FAM117B: variants seen among roughly 807,000 people sequenced by gnomAD.
FAM117B encodes the protein family with sequence similarity 117 member B.
A neutral mutation model predicts 52.8 loss-of-function variants in FAM117B; 22 were observed. That is an observed-to-expected ratio of 0.42 (90% CI 0.30 to 0.59). The LOEUF (loss-of-function observed/expected upper bound fraction) is 0.59, where lower values mean the gene tolerates loss of function less well. Among genes scored for constraint, FAM117B ranks in the 20% least tolerant of loss-of-function variants. The pLI is 0.22. For synonymous variants in FAM117B, 309 were observed against 324.1 expected (o/e 0.95, Z 0.50); for missense variants, 678 against 802.6 (o/e 0.84, Z 1.88).
At chr2:202,685,910 A>C (rs192890702) in intron 1 of FAM117B, among the ~76,000 whole-genome samples, 1 of 152,208 alleles carries the variant, frequency 6.6e-6, no homozygotes, top group African/African-American at 2.4e-5. Context: ...TGAACTATTA[A>C]CAGAAGTAGT....
chr2:202,712,531 G>A (rs1245762818), intron 2 of FAM117B, among the ~76,000 whole-genome samples: 3 of 149,290 alleles, frequency 2.0e-5, no homozygotes, highest in Non-Finnish European at 4.4e-5. Flanking sequence ...CAGTTTGGGT[G>A]CCTATTATTT....
intron 1 of FAM117B, among the ~76,000 whole-genome samples, chr2:202,648,599 G>C (rs1223784959): frequency 1.4e-5 from 2 of 147,206 alleles, no homozygotes; most frequent in East Asian, 4.0e-4. Flanking sequence ...GTGCACATAG[G>C]TTTATAGTGG....
chr2:202,670,084 G>T (rs1292236932), intron 1 of FAM117B, among the ~76,000 whole-genome samples: 1 of 152,114 alleles, frequency 6.6e-6, no homozygotes, highest in Non-Finnish European at 1.5e-5. Flanking sequence ...CTGTTTGTTA[G>T]CTTCATTCTC....
At chr2:202,672,135 A>G (rs1690308432) in intron 1 of FAM117B, among the ~76,000 whole-genome samples, 1 of 152,208 alleles carries the variant, frequency 6.6e-6, no homozygotes, top group Admixed American at 6.5e-5. Flanking sequence ...AGAGTCTTCA[A>G]GTCCTGTAAA....
chr2:202,654,665 CT>C (rs753974102), intron 1 of FAM117B, among the ~76,000 whole-genome samples: 7,678 of 137,196 alleles, frequency 0.056, 222 homozygotes, highest in Non-Finnish European at 0.085. Flanking sequence ...CCTTTGTAAT[CT>C]TTTTTTTTTT....
intron 1 of FAM117B, among the ~76,000 whole-genome samples, chr2:202,637,771 G>A (rs1689710277): frequency 6.6e-6 from 1 of 151,802 alleles, no homozygotes; most frequent in Admixed American, 6.6e-5. Flanking sequence ...GTACTCCAAA[G>A]ACCATGTCTT....
chr2:202,700,037 G>A (rs1690774251), intron 2 of FAM117B, among the ~76,000 whole-genome samples: 1 of 152,152 alleles, frequency 6.6e-6, no homozygotes, highest in Admixed American at 6.5e-5. Context: ...GATGAATGTT[G>A]TGTGTATTCT....
intron 2 of FAM117B, among the ~76,000 whole-genome samples, chr2:202,720,403 G>T (rs913819722): frequency 7.5e-6 from 1 of 134,020 alleles, no homozygotes; most frequent in East Asian, 2.0e-4. Flanking sequence ...TACCTGTCGT[G>T]TGTGTGTGTG....
chr2:202,761,533 T>C (rs992882763), intron 7 of FAM117B, among the ~76,000 whole-genome samples: 1 of 151,960 alleles, frequency 6.6e-6, no homozygotes, highest in South Asian at 2.1e-4. Context: ...TTTGTTTTTA[T>C]TTTTTTTCTT....
chr2:202,646,673 G>A (rs2105754375), intron 1 of FAM117B, among the ~76,000 whole-genome samples: 1 of 152,258 alleles, frequency 6.6e-6, no homozygotes, highest in East Asian at 1.9e-4. Flanking sequence ...TTTTGAGTAC[G>A]AGTGGTTTCT....
At chr2:202,715,315 C>A (rs1259969120) in intron 2 of FAM117B, among the ~76,000 whole-genome samples, 2 of 151,818 alleles carry the variant, frequency 1.3e-5, no homozygotes, top group East Asian at 3.9e-4. Flanking sequence ...ACCCCCACCT[C>A]CCTCCCGGAC....
chr2:202,676,181 C>T (rs1690376953), intron 1 of FAM117B, among the ~76,000 whole-genome samples: 2 of 151,976 alleles, frequency 1.3e-5, no homozygotes, highest in Non-Finnish European at 2.9e-5. Flanking sequence ...TGGCCAACAA[C>T]AGTCAGCACG....
intron 7 of FAM117B, among the ~76,000 whole-genome samples, chr2:202,763,153 G>T (rs937908342): frequency 6.8e-6 from 1 of 147,552 alleles, no homozygotes; most frequent in Non-Finnish European, 1.5e-5. Flanking sequence ...CTCACTGCAA[G>T]CTCCACCTCC....
At chr2:202,739,672 G>C (rs1365813219) in intron 4 of FAM117B, among the ~76,000 whole-genome samples, 2 of 152,062 alleles carry the variant, frequency 1.3e-5, no homozygotes, top group East Asian at 1.9e-4. Flanking sequence ...GCCCAGCCTG[G>C]TCTCGAAGTC....
intron 1 of FAM117B, among the ~76,000 whole-genome samples, chr2:202,653,894 T>C (rs1690012133): frequency 6.6e-6 from 1 of 152,182 alleles, no homozygotes; most frequent in African/African-American, 2.4e-5. Context: ...ATTTCAAGTA[T>C]GCTACTATTC....
intron 1 of FAM117B, among the ~76,000 whole-genome samples, chr2:202,659,412 C>G (rs532188120): frequency 6.6e-6 from 1 of 151,882 alleles, no homozygotes; most frequent in Non-Finnish European, 1.5e-5. Flanking sequence ...TGGGCTCAGG[C>G]GATCCTCCTA....
intron 2 of FAM117B, among the ~76,000 whole-genome samples, chr2:202,699,449 G>GAAAAAAAAAAAAAAAAA (rs59522030): frequency 2.0e-5 from 2 of 100,028 alleles, no homozygotes; most frequent in African/African-American, 3.9e-5. Context: ...AAAAAAAAAA[G>GAAAAAAAAAAAAAAAAA]AAAAAAAAAA....
intron 1 of FAM117B, among the ~76,000 whole-genome samples, chr2:202,651,252 G>A (rs1489298855): frequency 6.6e-6 from 1 of 152,128 alleles, no homozygotes; most frequent in East Asian, 1.9e-4. Flanking sequence ...AGTAGAGACA[G>A]GGTTTCACTA....
intron 1 of FAM117B, among the ~76,000 whole-genome samples, chr2:202,692,839 T>A (rs1013890160): frequency 2.0e-4 from 31 of 152,268 alleles, no homozygotes; most frequent in African/African-American, 5.1e-4. Flanking sequence ...CCTTTTTTTT[T>A]AAGCACAAAA....
Sources: allele counts gnomAD v4.1 joint callset (sites outside exome capture counted in the v4.1 genomes callset), GRCh38; gene constraint gnomAD v4.1.1; transcripts MANE v1.5; gene names NCBI Gene and HGNC (gene_info 2026-07-23, HGNC 2026-07-21).